Variants in RPS6KA2 observed in about 807,000 individuals in gnomAD.
RPS6KA2 encodes ribosomal protein S6 kinase A2.
RPS6KA2 carries 42 observed loss-of-function variants against 91.8 expected under a neutral mutation model. The ratio of observed to expected loss-of-function variants is 0.46; its 90% CI spans 0.36 to 0.59. RPS6KA2 has a LOEUF of 0.59. Among genes scored for constraint, RPS6KA2 ranks in the 20% least tolerant of loss-of-function variants. The probability of loss-of-function intolerance (pLI) is 0.00; values close to 1 mark genes in which losing one functional copy is unlikely to be tolerated. For synonymous variants in RPS6KA2, 414 were observed against 393.6 expected, an observed-to-expected ratio of 1.05 and a Z score of -0.61; for missense variants, 798 against 978.5, an observed-to-expected ratio of 0.82 and a Z score of 2.46.
In RPS6KA2 at chr6:166,687,476, C is replaced by T. The variant is rs554241739; in HGVS notation, c.124-148692G>A. On this transcript the variant is annotated intron_variant, in intron 2 of 21. Transcript: ENST00000503859. ...CTGTTCTAGTGGGGGCAGGGGGACA[C>T]CAGTAGAGGCCAGCGGGGTTTTTCA... Among the ~76,000 whole-genome samples, 10 of 152,230 alleles carry T rather than the reference C, an allele frequency of 6.6e-5. No individual in the cohort carries two copies. The East Asian group carries it at 1.9e-3, about 29-fold the overall frequency.
intron 11 of RPS6KA2, among the ~76,000 whole-genome samples, chr6:166,464,274 C>A (rs1245393911): frequency 6.6e-6 from 1 of 152,200 alleles, no homozygotes; most frequent in East Asian, 1.9e-4. Flanking sequence ...GCCAGATCAC[C>A]GAGCGACCTC....
At chr6:166,480,479 TTATATATATATA>T (rs3066214) in intron 10 of RPS6KA2, among the ~76,000 whole-genome samples, 29,983 of 99,884 alleles carry the variant, frequency 0.3, 4,626 homozygotes, top group East Asian at 0.51. Context: ...GATTGTGATT[TTATATATATATA>T]TATATATATA....
intron 2 of RPS6KA2, among the ~76,000 whole-genome samples, chr6:166,803,830 A>G (rs1208562635): frequency 6.6e-6 from 1 of 152,170 alleles, no homozygotes; most frequent in African/African-American, 2.4e-5. Context: ...TTTCTAAGCC[A>G]TTTTTTTCAT....
Position 166,479,987 on chromosome 6 carries a change from G to A in RPS6KA2, c.907+8846C>T, listed in dbSNP as rs769357456. 2.6e-5 allele frequency among the ~76,000 whole-genome samples: 4 copies of A among 152,200 alleles called. No homozygotes were observed. In the South Asian group the frequency reaches 8.3e-4, roughly 32 times the overall value. On this transcript the variant is annotated intron_variant, in intron 10 of 20. Coordinates refer to ENST00000265678, the MANE Select transcript of RPS6KA2 (RefSeq NM_021135.6). Reference sequence around the variant, plus strand: ...ACATAGTATCCCCTGTGTAGACGACGGTAATTCAGTTAACCGTCCCTGGGT... The same window carrying A: ...ACATAGTATCCCCTGTGTAGACGACAGTAATTCAGTTAACCGTCCCTGGGT...
intron 2 of RPS6KA2, among the ~76,000 whole-genome samples, chr6:166,828,637 T>TAC (rs1780105771): frequency 6.6e-6 from 1 of 152,226 alleles, no homozygotes; most frequent in Admixed American, 6.5e-5. Flanking sequence ...TGCAAAAGAA[T>TAC]ACAGTTGGAC....
At position 166,609,506 on chromosome 6, in the gene RPS6KA2, ATTT is replaced by A. The variant is rs72047171; in HGVS notation, c.99+17412_99+17414del. ...GATATACTGAATTATCAAAAGTTTA[ATTT>A]TTTTTTTTTTTTTTTGAGACAGAGT... is the stretch of plus-strand genomic sequence containing the variant. On this transcript the variant is annotated intron_variant, in intron 1 of 20. Coordinates refer to ENST00000265678, the MANE Select transcript of RPS6KA2 (RefSeq NM_021135.6). 5.9e-3 allele frequency among the ~76,000 whole-genome samples: 828 copies of A among 140,346 alleles called. 6 individuals carry two copies. Among genetic ancestry groups the A allele is most frequent in the African/African-American group, 0.02 (757 of 37,846 alleles). The allele number at this position is 140,346 out of a possible 152,430, so 92.1% of individuals were successfully genotyped here. A position where few individuals can be genotyped will look rare whatever the true frequency, so the allele number is the denominator to read the frequency against.
chr6:166,706,439 T>C (rs1789682973), intron 2 of RPS6KA2, among the ~76,000 whole-genome samples: 1 of 152,208 alleles, frequency 6.6e-6, no homozygotes, highest in Non-Finnish European at 1.5e-5. Context: ...AGCCATCATA[T>C]TTATAAAATG....
chr6:166,417,913 T>C (rs1455782443), intron 19 of RPS6KA2, among the ~76,000 whole-genome samples: 1 of 151,642 alleles, frequency 6.6e-6, no homozygotes, highest in African/African-American at 2.4e-5. Context: ...AGTACAAAAC[T>C]TTTTTGTACT....
intron 14 of RPS6KA2, among the ~76,000 whole-genome samples, chr6:166,438,275 C>CT (rs1269498941): frequency 1.3e-5 from 2 of 152,226 alleles, no homozygotes; most frequent in African/African-American, 2.4e-5. Flanking sequence ...AATTCCGTTT[C>CT]TTTTTTTGGT....
chr6:166,543,040 G>A (rs1358023233), intron 1 of RPS6KA2, among the ~76,000 whole-genome samples: 1 of 152,082 alleles, frequency 6.6e-6, no homozygotes. Context: ...GGAAAAGAAC[G>A]TATCTCCAAC....
intron 2 of RPS6KA2, among the ~76,000 whole-genome samples, chr6:166,748,513 C>A (rs1791098130): frequency 6.6e-6 from 1 of 151,614 alleles, no homozygotes; most frequent in African/African-American, 2.4e-5. Flanking sequence ...GATCAGCCTC[C>A]ATGGGGGCCC....
Position 166,469,831 on chromosome 6 carries a change from T to C in RPS6KA2, c.972+10A>G. ...GCGTGTGCAGGTGGGGACTGTGGCA[T>C]GCAACTTACGTTCCAGTCTATGGTC... On this transcript the variant is annotated intron_variant, in intron 11 of 20. Coordinates refer to ENST00000265678, the MANE Select transcript of RPS6KA2 (RefSeq NM_021135.6). 1.9e-6 allele frequency: 3 copies of C among 1,613,420 alleles called. No homozygotes were observed. The highest frequency in any genetic ancestry group is 8.5e-7 in the Non-Finnish European group (1 of 1,179,304).
intron 2 of RPS6KA2, among the ~76,000 whole-genome samples, chr6:166,805,566 C>G (rs1277457349): frequency 6.6e-6 from 1 of 152,170 alleles, no homozygotes; most frequent in Non-Finnish European, 1.5e-5. Context: ...TCAGAAAACA[C>G]CTGCAAATAC....
chr6:166,546,418 C>T (rs1488261585), intron 1 of RPS6KA2, among the ~76,000 whole-genome samples: 3 of 151,824 alleles, frequency 2.0e-5, no homozygotes, highest in Admixed American at 6.6e-5. Context: ...GATACCAGGA[C>T]GCATGCCTGG....
At chr6:166,661,182 C>T (rs1399879102) in intron 2 of RPS6KA2, among the ~76,000 whole-genome samples, 1 of 152,078 alleles carries the variant, frequency 6.6e-6, no homozygotes, top group Non-Finnish European at 1.5e-5. Context: ...CTCACTACAA[C>T]CCCTGCCTCC....
intron 2 of RPS6KA2, among the ~76,000 whole-genome samples, chr6:166,857,708 C>T (rs1780941695): frequency 6.6e-6 from 1 of 152,200 alleles, no homozygotes; most frequent in African/African-American, 2.4e-5. Flanking sequence ...CCCAGTCAAC[C>T]CCTACAGGCC....
At position 166,459,684 on chromosome 6, in the gene RPS6KA2, C is replaced by A. The variant is rs918892726; in HGVS notation, c.973-133G>T. 2 of 614,608 alleles carry A rather than the reference C, an allele frequency of 3.3e-6. No homozygotes were observed. The highest frequency in any genetic ancestry group is 5.8e-6 in the Non-Finnish European group (2 of 343,734). The allele number at this position is 614,608 out of a possible 1,614,324, so 38.1% of individuals were successfully genotyped here. ...CAGACTGCATTGGCCTTGTGGATTA[C>A]AAGGGATTTCTAAATACTCTGAAAT... On this transcript the variant is annotated intron_variant, in intron 11 of 20. Coordinates refer to ENST00000265678, the MANE Select transcript of RPS6KA2 (RefSeq NM_021135.6). The surrounding 1 kb of genome is among the most constrained non-coding windows in gnomAD (Gnocchi z 4.9).
At chr6:166,855,994 T>G (rs1780890506) in intron 2 of RPS6KA2, among the ~76,000 whole-genome samples, 1 of 152,248 alleles carries the variant, frequency 6.6e-6, no homozygotes, top group African/African-American at 2.4e-5. Context: ...GGTTGGTTAC[T>G]TTCATTACAT....
chr6:166,551,862 G>C (rs576991602), intron 1 of RPS6KA2, among the ~76,000 whole-genome samples: 1 of 152,304 alleles, frequency 6.6e-6, no homozygotes, highest in East Asian at 1.9e-4. Flanking sequence ...ACATGCGGTA[G>C]GCTTTGCCAA....
Sources: gnomAD v4.1 joint callset for allele counts (sites outside exome capture counted in the v4.1 genomes callset) on GRCh38, gnomAD v4.1.1 for gene constraint, Gnocchi (gnomAD v3.1) non-coding constraint, MANE v1.5 for transcripts, NCBI Gene and HGNC (gene_info 2026-07-23, HGNC 2026-07-21) for gene names.